Variants in MGAT4C observed in about 807,000 individuals in gnomAD.
MGAT4C encodes alpha-1,3-mannosyl-glycoprotein 4-beta-N-acetylglucosaminyltransferase C.
MGAT4C carries 19 observed loss-of-function variants against 40.1 expected under a neutral mutation model. That is an observed-to-expected ratio of 0.47 (90% CI 0.33 to 0.70). MGAT4C has a LOEUF of 0.70. MGAT4C is among the 30% of genes least tolerant of loss of function. The probability of loss-of-function intolerance (pLI) is 0.02; values close to 1 mark genes in which losing one functional copy is unlikely to be tolerated. For missense variants in MGAT4C, 491 were observed against 563.2 expected, an observed-to-expected ratio of 0.87 and a Z score of 1.30; for synonymous variants, 181 against 187.1, an observed-to-expected ratio of 0.97 and a Z score of 0.27.
chr12:86,189,879 T>C (rs1365905444), intron 1 of MGAT4C, among the ~76,000 whole-genome samples: 2 of 152,074 alleles, frequency 1.3e-5, no homozygotes, highest in Non-Finnish European at 2.9e-5. Context: ...CAGCAAATCA[T>C]GTTCCTTTTG....
intron 2 of MGAT4C, among the ~76,000 whole-genome samples, chr12:86,676,205 T>C (rs921770632): frequency 6.6e-6 from 1 of 152,036 alleles, no homozygotes; most frequent in South Asian, 2.1e-4. Flanking sequence ...AGAATACCAA[T>C]CAGGAGAAAA....
chr12:86,225,098 A>AT (rs1951026104), intron 1 of MGAT4C, among the ~76,000 whole-genome samples: 1 of 147,126 alleles, frequency 6.8e-6, no homozygotes, highest in African/African-American at 2.4e-5. Flanking sequence ...AAAAAAAGAG[A>AT]TTTTATAACT....
intron 2 of MGAT4C, among the ~76,000 whole-genome samples, chr12:86,021,678 T>C (rs1889747017): frequency 6.6e-6 from 1 of 152,052 alleles, no homozygotes; most frequent in African/African-American, 2.4e-5. Flanking sequence ...ACATGGCACA[T>C]GTATACATAT....
chr12:86,572,379 G>A (rs1179583003), intron 2 of MGAT4C, among the ~76,000 whole-genome samples: 1 of 151,810 alleles, frequency 6.6e-6, no homozygotes, highest in Non-Finnish European at 1.5e-5. Context: ...CAATCCTGTG[G>A]TTTCTATAAC....
intron 2 of MGAT4C, among the ~76,000 whole-genome samples, chr12:86,635,834 T>G (rs901234436): frequency 8.6e-5 from 13 of 151,474 alleles, no homozygotes; most frequent in Non-Finnish European, 1.8e-4. Flanking sequence ...TGCAACCATG[T>G]TCAGGTAATT....
intron 2 of MGAT4C, among the ~76,000 whole-genome samples, chr12:86,537,739 G>C (rs1051908657): frequency 2.0e-4 from 30 of 152,064 alleles, no homozygotes; most frequent in Admixed American, 1.8e-3. Flanking sequence ...TGATTCTAGA[G>C]CCATGTACAT....
intron 2 of MGAT4C, among the ~76,000 whole-genome samples, chr12:86,004,684 T>C (rs78803336): frequency 3.2e-3 from 489 of 152,240 alleles, no homozygotes; most frequent in African/African-American, 0.011. Flanking sequence ...AGAAGAGTGA[T>C]TATGGTTTTG....
chr12:86,153,891 C>T (rs936418692), intron 1 of MGAT4C, among the ~76,000 whole-genome samples: 1 of 152,142 alleles, frequency 6.6e-6, no homozygotes, highest in Non-Finnish European at 1.5e-5. Flanking sequence ...GACTAATACA[C>T]TCCCCATGCT....
chr12:86,745,730 T>C (rs547522958), intron 1 of MGAT4C, among the ~76,000 whole-genome samples: 1 of 151,802 alleles, frequency 6.6e-6, no homozygotes, highest in Non-Finnish European at 1.5e-5. Flanking sequence ...TAAAGTATCT[T>C]CTTTTTAATA....
chr12:86,331,291 A>G (rs1271140778), intron 4 of MGAT4C, among the ~76,000 whole-genome samples: 1 of 152,162 alleles, frequency 6.6e-6, no homozygotes, highest in East Asian at 1.9e-4. Flanking sequence ...CTGCCTGCAC[A>G]GTGGCCTGCT....
chr12:86,548,784 T>C (rs1220653304), intron 2 of MGAT4C, among the ~76,000 whole-genome samples: 6 of 152,168 alleles, frequency 3.9e-5, no homozygotes, highest in South Asian at 2.1e-4. Flanking sequence ...TACTCATACA[T>C]ATTTTGTGAA....
intron 1 of MGAT4C, among the ~76,000 whole-genome samples, chr12:86,747,665 T>C (rs1361748976): frequency 6.6e-6 from 1 of 151,618 alleles, no homozygotes; most frequent in African/African-American, 2.4e-5. Flanking sequence ...TTGATAACAG[T>C]TATAGAGCTA....
intron 2 of MGAT4C, among the ~76,000 whole-genome samples, chr12:86,468,445 T>C (rs1273196728): frequency 3.3e-5 from 5 of 152,246 alleles, no homozygotes; most frequent in Admixed American, 6.5e-5. Context: ...GATTTTTCCA[T>C]AGCTTTTCAA....
At chr12:86,667,554 C>CA (rs1964145004) in intron 2 of MGAT4C, among the ~76,000 whole-genome samples, 1 of 152,148 alleles carries the variant, frequency 6.6e-6, no homozygotes, top group Non-Finnish European at 1.5e-5. Flanking sequence ...GTCTCTGTTA[C>CA]TATTAAACAT....
At chr12:86,295,187 G>A (rs934337722) in intron 4 of MGAT4C, among the ~76,000 whole-genome samples, 5 of 152,076 alleles carry the variant, frequency 3.3e-5, no homozygotes, top group African/African-American at 1.2e-4. Flanking sequence ...TATTTAAATA[G>A]TATACATATT....
chr12:86,211,406 CAAAAAAAAAAAAAAAAAA>C (rs58874795), intron 1 of MGAT4C, among the ~76,000 whole-genome samples: 1 of 35,516 alleles, frequency 2.8e-5, no homozygotes, highest in East Asian at 1.6e-3. Context: ...ACTACAAATA[CAAAAAAAAAAAAAAAAAA>C]AAAAAAAAAA....
chr12:86,006,408 T>C (rs752152035), intron 2 of MGAT4C, among the ~76,000 whole-genome samples: 1 of 152,282 alleles, frequency 6.6e-6, no homozygotes, highest in Middle Eastern at 3.4e-3. Context: ...CCAGCAAATA[T>C]ATTATACTAC....
At chr12:86,492,604 C>A (rs926802926) in intron 2 of MGAT4C, among the ~76,000 whole-genome samples, 2 of 152,148 alleles carry the variant, frequency 1.3e-5, no homozygotes, top group African/African-American at 4.8e-5. Flanking sequence ...ATGTAGAAAG[C>A]TGAAACTGGA....
intron 2 of MGAT4C, among the ~76,000 whole-genome samples, chr12:86,446,657 T>TCA (rs1957340403): frequency 6.0e-5 from 4 of 66,496 alleles, no homozygotes; most frequent in Admixed American, 1.9e-4. Context: ...ATCATGTAAC[T>TCA]CATATATATA....
Sources: gnomAD v4.1 joint callset for allele counts (sites outside exome capture counted in the v4.1 genomes callset) on GRCh38, gnomAD v4.1.1 for gene constraint, MANE v1.5 for transcripts, NCBI Gene and HGNC (gene_info 2026-07-23, HGNC 2026-07-21) for gene names.